Variants in VAT1L observed in about 807,000 individuals in gnomAD.
The protein encoded by VAT1L is vesicle amine transport 1 like.
A neutral mutation model predicts 44.1 loss-of-function variants in VAT1L; 34 were observed. The ratio of observed to expected loss-of-function variants is 0.77; its 90% CI spans 0.59 to 1.03. VAT1L has a LOEUF of 1.03. Among genes scored for constraint, VAT1L ranks in the 50% least tolerant of loss-of-function variants. The pLI, the probability that VAT1L is intolerant of heterozygous loss-of-function variation, is 0.00. For missense variants in VAT1L, 615 were observed against 538.8 expected (o/e 1.14, Z -1.40); for synonymous variants, 253 against 202.2 (o/e 1.25, Z -2.13).
chr16:77,974,649 G>A (rs1018932826), intron 8 of VAT1L, among the ~76,000 whole-genome samples: 3 of 152,246 alleles, frequency 2.0e-5, no homozygotes, highest in African/African-American at 7.2e-5. Context: ...TGCAACCTCT[G>A]CCTCCTGGGT....
In VAT1L at chr16:77,825,403, A is replaced by C. The variant is rs529514296; in HGVS notation, c.521A>C (p.Glu174Ala). ...NFVTAYVMLF[E>A]VANLREGMSV... ...GTCACAGCCTATGTGATGCTGTTTG[A>C]AGTTGCCAACCTCCGGGAAGGGATG... Residue 174 changes from glutamate (E) to alanine (A), a missense_variant, in exon 3 of 9, where the codon GAA (glutamate) becomes GCA (alanine). By Grantham distance (107) the Glu-to-Ala change is moderately radical (BLOSUM62 -1). Transcript: ENST00000302536. 2 of 1,612,708 alleles carry C rather than the reference A, an allele frequency of 1.2e-6. No homozygotes were observed. The highest frequency in any genetic ancestry group is 2.2e-5 in the South Asian group (2 of 90,636).
chr16:77,825,861 A>T (rs1242405651), intron 3 of VAT1L, among the ~76,000 whole-genome samples: 2 of 149,812 alleles, frequency 1.3e-5, no homozygotes, highest in Non-Finnish European at 3.0e-5. Flanking sequence ...CTAAAAATAA[A>T]AAAAAAAAAA....
intron 7 of VAT1L, among the ~76,000 whole-genome samples, chr16:77,891,372 A>C (rs1460781110): frequency 1.3e-5 from 2 of 152,030 alleles, no homozygotes. Context: ...AACAAACAAA[A>C]AAATTCAGTT....
At chr16:77,877,892 TGA>T (rs2017106604) in intron 5 of VAT1L, among the ~76,000 whole-genome samples, 1 of 152,210 alleles carries the variant, frequency 6.6e-6, no homozygotes, top group Non-Finnish European at 1.5e-5. Flanking sequence ...GTATTTCCTT[TGA>T]AGTGGACGTG....
chr16:77,806,368 CCCGG>C (rs1423925851), intron 1 of VAT1L, among the ~76,000 whole-genome samples: 1 of 152,218 alleles, frequency 6.6e-6, no homozygotes, highest in Non-Finnish European at 1.5e-5. Context: ...CACCACCACG[CCCGG>C]CCAAGTTTTT....
chr16:77,926,502 T>G (rs1267040742), intron 7 of VAT1L, among the ~76,000 whole-genome samples: 1 of 151,954 alleles, frequency 6.6e-6, no homozygotes, highest in Non-Finnish European at 1.5e-5. Flanking sequence ...GAGAATCGCT[T>G]GAACCTGGGA....
chr16:77,930,678 A>G (rs905933238), intron 7 of VAT1L, among the ~76,000 whole-genome samples: 2 of 152,162 alleles, frequency 1.3e-5, no homozygotes, highest in African/African-American at 4.8e-5. Flanking sequence ...AGGGTGTTGA[A>G]AGCCCCCACT....
chr16:77,979,596 G>A lies in VAT1L; in HGVS notation c.*1901G>A, dbSNP rs1293581674. On this transcript the variant is annotated 3_prime_UTR_variant, in exon 9 of 9. Transcript: ENST00000302536. ...GCCATACTAGGGCTCTCCTTCCCCC[G>A]GGGAGTGGGAACTCAGCCACATTCA... 6.6e-6 allele frequency: 1 copy of A among 152,028 alleles called. No individual in the cohort carries two copies. Among genetic ancestry groups the A allele is most frequent in the East Asian group, 1.9e-4 (1 of 5,188 alleles). 9.4% of individuals were successfully genotyped at this position (152,028 alleles called of 1,614,324 possible). A position where few individuals can be genotyped will look rare whatever the true frequency, so the allele number is the denominator to read the frequency against.
At chr16:77,899,957 G>C (rs1299692444) in intron 7 of VAT1L, among the ~76,000 whole-genome samples, 1 of 152,192 alleles carries the variant, frequency 6.6e-6, no homozygotes, top group Non-Finnish European at 1.5e-5. Flanking sequence ...TTTGGCAGTT[G>C]GACATACTCC....
intron 7 of VAT1L, among the ~76,000 whole-genome samples, chr16:77,948,790 G>A (rs1233352401): frequency 6.6e-6 from 1 of 151,978 alleles, no homozygotes; most frequent in Non-Finnish European, 1.5e-5. Flanking sequence ...ATGACCTTAG[G>A]CAGGTTAATT....
At chr16:77,897,565 G>A (rs1024730272) in intron 7 of VAT1L, among the ~76,000 whole-genome samples, 3 of 152,190 alleles carry the variant, frequency 2.0e-5, no homozygotes, top group African/African-American at 7.2e-5. Context: ...CTGCCTCCCA[G>A]GTTCAAGCAA....
At chr16:77,917,247 C>A (rs189194767) in intron 7 of VAT1L, among the ~76,000 whole-genome samples, 1 of 152,060 alleles carries the variant, frequency 6.6e-6, no homozygotes, top group Non-Finnish European at 1.5e-5. Flanking sequence ...GAGGTAGGAC[C>A]AGAAGGGGAG....
At chr16:77,836,735 A>T (rs796744355) in intron 3 of VAT1L, among the ~76,000 whole-genome samples, 20 of 152,340 alleles carry the variant, frequency 1.3e-4, no homozygotes, top group African/African-American at 4.6e-4. Flanking sequence ...TCTATTGCTG[A>T]AAAAGCATCA....
chr16:77,806,366 CGCCCGGCCAAG>C, intron 1 of VAT1L, among the ~76,000 whole-genome samples: 4 of 152,134 alleles, frequency 2.6e-5, no homozygotes, highest in African/African-American at 9.7e-5. Context: ...CCCACCACCA[CGCCCGGCCAAG>C]TTTTTTGTAT....
At chr16:77,789,248 T>G (rs993726196) in intron 1 of VAT1L, among the ~76,000 whole-genome samples, 1 of 152,176 alleles carries the variant, frequency 6.6e-6, no homozygotes, top group African/African-American at 2.4e-5. Flanking sequence ...GGAGGGTTGA[T>G]GCTTAACAGA....
At chr16:77,858,660 G>T (rs1051719459) in intron 3 of VAT1L, among the ~76,000 whole-genome samples, 2 of 152,146 alleles carry the variant, frequency 1.3e-5, no homozygotes, top group African/African-American at 4.8e-5. Flanking sequence ...TACTCTAGTG[G>T]TGTTGGAGCA....
chr16:77,828,312 TAGGG>T (rs2016545563), intron 3 of VAT1L, among the ~76,000 whole-genome samples: 1 of 152,178 alleles, frequency 6.6e-6, no homozygotes, highest in Non-Finnish European at 1.5e-5. Flanking sequence ...GACGTTGAGA[TAGGG>T]AGGTTATCCT....
At chr16:77,936,632 G>C (rs562075190) in intron 7 of VAT1L, among the ~76,000 whole-genome samples, 26 of 152,310 alleles carry the variant, frequency 1.7e-4, no homozygotes, top group African/African-American at 6.0e-4. Context: ...GCGAGAGAGC[G>C]TGCTTCCTAC....
intron 1 of VAT1L, among the ~76,000 whole-genome samples, chr16:77,804,457 G>A (rs988666410): frequency 2.0e-5 from 3 of 152,106 alleles, no homozygotes; most frequent in African/African-American, 7.2e-5. Context: ...TTTGTTCTGT[G>A]TTGGAAATAC....
Sources: gnomAD v4.1 joint callset for allele counts (sites outside exome capture counted in the v4.1 genomes callset) on GRCh38, gnomAD v4.1.1 for gene constraint, MANE v1.5 for transcripts, NCBI Gene and HGNC (gene_info 2026-07-23, HGNC 2026-07-21) for gene names.